The following ZFAT variants were observed in gnomAD, a reference collection of about 807,000 sequenced individuals.
ZFAT encodes the protein zinc finger and AT-hook domain containing, also known as zinc finger protein ZFAT.
In ZFAT, 64 loss-of-function variants were observed where a neutral mutation model predicts 117.7. The observed-to-expected ratio is 0.54, with a 90% CI of 0.44 to 0.67. ZFAT has a LOEUF of 0.67. Among genes scored for constraint, ZFAT ranks in the 30% least tolerant of loss-of-function variants. The pLI is 0.00. For missense variants in ZFAT, 1,433 were observed against 1,584.5 expected (o/e 0.90, Z 1.62); for synonymous variants, 679 against 615.0 (o/e 1.10, Z -1.54).
intron 1 of ZFAT, among the ~76,000 whole-genome samples, chr8:134,693,564 G>C (rs951555919): frequency 7.1e-6 from 1 of 141,012 alleles, no homozygotes; most frequent in Non-Finnish European, 1.5e-5. Context: ...CTGTATCAAA[G>C]CATCACATTG....
the ZFAT span, among the ~76,000 whole-genome samples, chr8:134,817,394 T>TAC: frequency 0.061 from 7,657 of 125,842 alleles, 220 homozygotes; most frequent in East Asian, 0.19. Context: ...TCTCTCTCTC[T>TAC]ACACACACAC....
chr8:134,605,057 A>T (rs12542852), intron 5 of ZFAT, among the ~76,000 whole-genome samples: 43,261 of 152,162 alleles, frequency 0.28, 6,512 homozygotes, highest in Non-Finnish European at 0.34. Flanking sequence ...TACCTGGTAA[A>T]GCCCTTAGTG....
chr8:134,628,082 G>A (rs1302582364), intron 3 of ZFAT, among the ~76,000 whole-genome samples: 1 of 152,174 alleles, frequency 6.6e-6, no homozygotes, highest in Non-Finnish European at 1.5e-5. Context: ...CCTGGAAAGG[G>A]GAAATAAAGC....
the ZFAT span, among the ~76,000 whole-genome samples, chr8:134,729,001 T>C: frequency 6.6e-6 from 1 of 152,334 alleles, no homozygotes; most frequent in South Asian, 2.1e-4. Flanking sequence ...TACTATACAC[T>C]AATTGTCACA....
At chr8:134,680,682 ATAGT>A (rs997767685) in intron 1 of ZFAT, among the ~76,000 whole-genome samples, 1 of 152,178 alleles carries the variant, frequency 6.6e-6, no homozygotes, top group Admixed American at 6.5e-5. Context: ...ATATTGTATG[ATAGT>A]TAGTTACATA....
intron 9 of ZFAT, 33 bp from the exon 10 acceptor site, chr8:134,584,038 A>G (rs1825893105): frequency 6.5e-7 from 1 of 1,542,600 alleles, no homozygotes; most frequent in Non-Finnish European, 8.8e-7. Context: ...ATCTCTATAT[A>G]TTTACATACG....
At chr8:134,565,214 G>A in intron 11 of ZFAT, 119 bp downstream of exon 11, 3 of 1,551,014 alleles carry the variant, frequency 1.9e-6, no homozygotes, top group Non-Finnish European at 2.6e-6. Flanking sequence ...ACCAGCTAAG[G>A]GGGCCCCAAA....
rs75817454 is a variant in ZFAT at position 134,700,772 on chromosome 8, C to T, written c.19+12073G>A. Among the ~76,000 whole-genome samples the T allele has an allele frequency of 6.0e-3, 921 of 152,294 alleles. 9 individuals carry two copies. Among genetic ancestry groups the T allele is most frequent in the African/African-American group, 0.021 (859 of 41,566 alleles). ...CATCCTGTGGCTTTCCTGAGCCCCTCGCCCAGCCCAGGCAGAAGTGACTGG... is the reference window on the plus strand; with the variant it reads ...CATCCTGTGGCTTTCCTGAGCCCCTTGCCCAGCCCAGGCAGAAGTGACTGG... On this transcript the variant is annotated intron_variant, in intron 1 of 15. Transcript: ENST00000377838.
chr8:134,622,091 C>A (rs1157676197), intron 3 of ZFAT, among the ~76,000 whole-genome samples: 1 of 152,220 alleles, frequency 6.6e-6, no homozygotes, highest in East Asian at 1.9e-4. Flanking sequence ...TGGCTGCATG[C>A]CAGTCTGTCG....
intron 11 of ZFAT, among the ~76,000 whole-genome samples, chr8:134,538,654 G>A (rs1403133411): frequency 3.3e-5 from 5 of 151,396 alleles, no homozygotes; most frequent in Non-Finnish European, 5.9e-5. Flanking sequence ...AAAATTAGCC[G>A]GGCATGGTGG....
chr8:134,675,765 C>T (rs1421426818), intron 1 of ZFAT, among the ~76,000 whole-genome samples: 1 of 152,170 alleles, frequency 6.6e-6, no homozygotes, highest in Non-Finnish European at 1.5e-5. Flanking sequence ...CCCTACAAGC[C>T]AGAAGAGAGT....
At chr8:134,492,068 A>C (rs948911617) in intron 15 of ZFAT, among the ~76,000 whole-genome samples, 1 of 150,294 alleles carries the variant, frequency 6.7e-6, no homozygotes, top group Non-Finnish European at 1.5e-5. Flanking sequence ...GGAATCTATG[A>C]ATTTCATTTC....
intron 11 of ZFAT, among the ~76,000 whole-genome samples, chr8:134,558,141 A>C (rs1316042049): frequency 1.3e-5 from 2 of 152,322 alleles, no homozygotes; most frequent in East Asian, 3.9e-4. Flanking sequence ...TGTTGACTAA[A>C]GTTACAGAAA....
chr8:134,799,672 G>A, the ZFAT span, among the ~76,000 whole-genome samples: 1 of 152,172 alleles, frequency 6.6e-6, no homozygotes, highest in Non-Finnish European at 1.5e-5. Context: ...AAGTAACATA[G>A]CGAAGTAACT....
At chr8:134,634,517 C>A (rs559967332) in intron 3 of ZFAT, among the ~76,000 whole-genome samples, 1 of 150,586 alleles carries the variant, frequency 6.6e-6, no homozygotes, top group Admixed American at 6.6e-5. Context: ...CACTTTCCAA[C>A]CCAGCAATCT....
At chr8:134,824,841 C>T in the ZFAT span, among the ~76,000 whole-genome samples, 1 of 152,130 alleles carries the variant, frequency 6.6e-6, no homozygotes, top group Admixed American at 6.5e-5. Context: ...ATTTTCTAAC[C>T]TAAAAGTCAG....
chr8:134,724,178 C>G, the ZFAT span, among the ~76,000 whole-genome samples: 1 of 152,106 alleles, frequency 6.6e-6, no homozygotes, highest in East Asian at 1.9e-4. Flanking sequence ...TGTAAAGAAA[C>G]TTTGGGACTG....
At chr8:134,661,014 C>T (rs535666616) in intron 1 of ZFAT, among the ~76,000 whole-genome samples, 1 of 152,354 alleles carries the variant, frequency 6.6e-6, no homozygotes, top group Non-Finnish European at 1.5e-5. Context: ...GAGGTGGAGG[C>T]AGAGACAAAC....
At chr8:134,773,936 A>C in the ZFAT span, among the ~76,000 whole-genome samples, 17 of 151,556 alleles carry the variant, frequency 1.1e-4, no homozygotes, top group Non-Finnish European at 1.5e-5. Flanking sequence ...AAGATTTATA[A>C]TATTACATCA....
Sources: gnomAD v4.1 joint callset for allele counts (sites outside exome capture counted in the v4.1 genomes callset) on GRCh38, gnomAD v4.1.1 for gene constraint, MANE v1.5 for transcripts, NCBI Gene and HGNC (gene_info 2026-07-23, HGNC 2026-07-21) for gene names.